The following SLC16A9 variants were observed in gnomAD, a reference collection of about 807,000 sequenced individuals.
SLC16A9 encodes solute carrier family 16 member 9.
SLC16A9 carries 26 observed loss-of-function variants against 44.3 expected under a neutral mutation model. The ratio of observed to expected loss-of-function variants is 0.59; its 90% CI spans 0.43 to 0.81. The LOEUF (loss-of-function observed/expected upper bound fraction) is 0.81, where lower values mean the gene tolerates loss of function less well. Among genes scored for constraint, SLC16A9 ranks in the 40% least tolerant of loss-of-function variants. The pLI, the probability that SLC16A9 is intolerant of heterozygous loss-of-function variation, is 0.00. For synonymous variants in SLC16A9, 230 were observed against 225.1 expected (o/e 1.02, Z -0.19); for missense variants, 559 against 595.8 (o/e 0.94, Z 0.64).
chr10:59,690,328 C>T (rs1447257673), intron 1 of SLC16A9, among the ~76,000 whole-genome samples: 1 of 152,176 alleles, frequency 6.6e-6, no homozygotes, highest in African/African-American at 2.4e-5. Context: ...TTTTAACTCA[C>T]TTAGGAAGGT....
intron 4 of SLC16A9, among the ~76,000 whole-genome samples, chr10:59,655,889 T>C (rs1048919963): frequency 6.6e-6 from 1 of 152,226 alleles, no homozygotes; most frequent in African/African-American, 2.4e-5. Flanking sequence ...TGCATGGATA[T>C]GATTGCTATA....
intron 1 of SLC16A9, among the ~76,000 whole-genome samples, chr10:59,688,429 G>A (rs1262648181): frequency 6.6e-6 from 1 of 152,070 alleles, no homozygotes; most frequent in Non-Finnish European, 1.5e-5. Flanking sequence ...AAAACAGAGA[G>A]ATGTTACAAT....
intron 3 of SLC16A9, among the ~76,000 whole-genome samples, chr10:59,668,724 C>A (rs1248967434): frequency 6.6e-6 from 1 of 152,012 alleles, no homozygotes; most frequent in Non-Finnish European, 1.5e-5. Context: ...CAAAAAAAAT[C>A]CATTATATTG....
At chr10:59,668,150 A>G (rs1233409250) in intron 3 of SLC16A9, among the ~76,000 whole-genome samples, 1 of 152,112 alleles carries the variant, frequency 6.6e-6, no homozygotes, top group Non-Finnish European at 1.5e-5. Flanking sequence ...TCTGTCTTCT[A>G]AACTGTTGTC....
At chr10:59,708,264 G>C (rs1291249404) in intron 1 of SLC16A9, among the ~76,000 whole-genome samples, 2 of 152,096 alleles carry the variant, frequency 1.3e-5, no homozygotes, top group Admixed American at 6.5e-5. Flanking sequence ...TCTGCATTTG[G>C]TCCAGGAAAG....
chr10:59,652,683 C>A lies in SLC16A9; in HGVS notation c.*89G>T. 8.0e-7 allele frequency: 1 copy of A among 1,250,638 alleles called. No individual in the cohort carries two copies. Among genetic ancestry groups the A allele is most frequent in the Non-Finnish European group, 1.1e-6 (1 of 916,246 alleles). The allele number at this position is 1,250,638 out of a possible 1,614,324, so 77.5% of individuals were successfully genotyped here. A position where few individuals can be genotyped will look rare whatever the true frequency, so the allele number is the denominator to read the frequency against. On this transcript the variant is annotated 3_prime_UTR_variant, in exon 6 of 6. Coordinates refer to ENST00000395348, the MANE Select transcript of SLC16A9 (RefSeq NM_194298.3). ...TGAAATTTTGCTATGAGAAAATAGT[C>A]TTGACTCTAGAAAATTTGCTTGAGA...
intron 1 of SLC16A9, among the ~76,000 whole-genome samples, chr10:59,684,670 A>T (rs1402838871): frequency 1.3e-5 from 2 of 152,116 alleles, no homozygotes; most frequent in African/African-American, 4.8e-5. Flanking sequence ...TGGGTTCCCT[A>T]GGAAGCAGAT....
chr10:59,673,692 G>A (rs1006529354), intron 2 of SLC16A9, among the ~76,000 whole-genome samples: 2 of 152,144 alleles, frequency 1.3e-5, no homozygotes, highest in Non-Finnish European at 2.9e-5. Context: ...GCAAGAAAGC[G>A]GTAGGAACAG....
intron 1 of SLC16A9, among the ~76,000 whole-genome samples, chr10:59,701,460 G>A (rs1302853275): frequency 6.6e-6 from 1 of 152,154 alleles, no homozygotes; most frequent in African/African-American, 2.4e-5. Context: ...CCCATTAGCA[G>A]AGCACAAGGT....
Position 59,672,927 on chromosome 10 carries a change from T to C in SLC16A9, c.197-14A>G, listed in dbSNP as rs1428237511. 6.3e-7 allele frequency: 1 copy of C among 1,595,398 alleles called. No homozygotes were observed. The highest frequency in any genetic ancestry group is 8.5e-7 in the Non-Finnish European group (1 of 1,174,418). Reference sequence around the variant, plus strand: ...TGCAGACAGGACCTAAAAAAAGAAATGAAACCTTCACTTATTATCATATGA... The same window carrying C: ...TGCAGACAGGACCTAAAAAAAGAAACGAAACCTTCACTTATTATCATATGA... On this transcript the variant is annotated splice_polypyrimidine_tract_variant and intron_variant, in intron 2 of 5. Coordinates refer to ENST00000395348, the MANE Select transcript of SLC16A9 (RefSeq NM_194298.3).
At position 59,651,582 on chromosome 10, in the gene SLC16A9, A is replaced by G. The variant is rs533704230; in HGVS notation, c.*1190T>C. On this transcript the variant is annotated 3_prime_UTR_variant, in exon 6 of 6. Transcript: ENST00000395348. The stretch of plus-strand genomic sequence containing the variant: ...TACCTATATTTTCAAAAAGATCTAT[A>G]GGGAATTCTGATGCATACCAAAGTT... 1 of 152,200 alleles carries G rather than the reference A, an allele frequency of 6.6e-6. No homozygotes were observed. Among genetic ancestry groups the G allele is most frequent in the African/African-American group, 2.4e-5 (1 of 41,456 alleles). The allele number at this position is 152,200 out of a possible 1,614,324, so 9.4% of individuals were successfully genotyped here.
At chr10:59,669,670 C>T (rs6481478) in intron 3 of SLC16A9, among the ~76,000 whole-genome samples, 146,851 of 152,290 alleles carry the variant, frequency 0.96, 71,042 homozygotes, top group East Asian at 1. Context: ...ACCCTATCTC[C>T]ACTAAAAATA....
At chr10:59,672,211 C>T (rs1176555718) in intron 3 of SLC16A9, among the ~76,000 whole-genome samples, 3 of 152,138 alleles carry the variant, frequency 2.0e-5, no homozygotes, top group Non-Finnish European at 1.5e-5. Flanking sequence ...CCTATGCTTT[C>T]CTCCCCTGTA....
intron 1 of SLC16A9, 134 bp from the exon 2 acceptor site, chr10:59,684,461 A>G (rs1050954799): frequency 6.4e-6 from 3 of 470,704 alleles, no homozygotes; most frequent in Non-Finnish European, 1.1e-5. Context: ...AGCATAAAAT[A>G]TCACTGACAT....
intron 3 of SLC16A9, among the ~76,000 whole-genome samples, chr10:59,664,597 AT>A (rs1170686764): frequency 6.6e-6 from 1 of 152,198 alleles, no homozygotes; most frequent in East Asian, 1.9e-4. Flanking sequence ...AAATTAAGAG[AT>A]TATGGAGAAA....
At chr10:59,655,073 C>A (rs1839319276) in intron 4 of SLC16A9, among the ~76,000 whole-genome samples, 1 of 152,030 alleles carries the variant, frequency 6.6e-6, no homozygotes, top group Non-Finnish European at 1.5e-5. Flanking sequence ...GGGTGGATCA[C>A]GAGGTCAGGA....
intron 4 of SLC16A9, among the ~76,000 whole-genome samples, chr10:59,659,480 G>A (rs1383028165): frequency 6.6e-6 from 1 of 152,062 alleles, no homozygotes; most frequent in Non-Finnish European, 1.5e-5. Context: ...CCCAATACAG[G>A]AGCACCCATA....
At chr10:59,695,656 T>C (rs2132525938) in intron 1 of SLC16A9, among the ~76,000 whole-genome samples, 1 of 152,252 alleles carries the variant, frequency 6.6e-6, no homozygotes, top group South Asian at 2.1e-4. Flanking sequence ...GAAAATACAA[T>C]CAGGAAATTA....
intron 1 of SLC16A9, among the ~76,000 whole-genome samples, chr10:59,705,639 A>G (rs944064564): frequency 7.2e-5 from 11 of 152,234 alleles, no homozygotes; most frequent in East Asian, 1.9e-4. Context: ...AGCTATTAAT[A>G]TCATAGGAAT....
Sources: gnomAD v4.1 joint callset for allele counts (sites outside exome capture counted in the v4.1 genomes callset) on GRCh38, gnomAD v4.1.1 for gene constraint, MANE v1.5 for transcripts, NCBI Gene and HGNC (gene_info 2026-07-23, HGNC 2026-07-21) for gene names.